Variants in ANO6 observed in about 807,000 individuals in gnomAD.
The protein encoded by ANO6 is anoctamin 6.
In ANO6, 106 loss-of-function variants were observed where a neutral mutation model predicts 117.5. The observed-to-expected ratio is 0.90, with a 90% CI of 0.77 to 1.06. The LOEUF (loss-of-function observed/expected upper bound fraction) is 1.06. ANO6 is among the 50% of genes least tolerant of loss of function. The pLI is 0.00. For synonymous variants in ANO6, 367 were observed against 385.1 expected (o/e 0.95, Z 0.55); for missense variants, 955 against 1,121.1 (o/e 0.85, Z 2.12).
intron 2 of ANO6, among the ~76,000 whole-genome samples, chr12:45,321,751 C>T (rs975511470): frequency 1.3e-5 from 2 of 152,076 alleles, no homozygotes; most frequent in African/African-American, 4.8e-5. Context: ...AAAAAAAAGG[C>T]AGTTTTAATG....
At chr12:45,286,368 ACATC>A (rs897083012) in intron 1 of ANO6, among the ~76,000 whole-genome samples, 77 of 152,160 alleles carry the variant, frequency 5.1e-4, no homozygotes, top group African/African-American at 1.6e-3. Context: ...AACTAATAAA[ACATC>A]CATCCAGAAG....
chr12:45,410,601 C>T (rs1943062456), intron 16 of ANO6, among the ~76,000 whole-genome samples: 1 of 152,064 alleles, frequency 6.6e-6, no homozygotes, highest in African/African-American at 2.4e-5. Flanking sequence ...TTTATCTGTG[C>T]CCTTTCAGCT....
chr12:45,400,983 G>C (rs1942771306), intron 12 of ANO6, among the ~76,000 whole-genome samples: 1 of 152,230 alleles, frequency 6.6e-6, no homozygotes, highest in African/African-American at 2.4e-5. Context: ...GTGCGTCGTT[G>C]AGTGGTGAGA....
chr12:45,257,278 C>T (rs1241596564), intron 1 of ANO6, among the ~76,000 whole-genome samples: 2 of 152,178 alleles, frequency 1.3e-5, no homozygotes, highest in African/African-American at 2.4e-5. Context: ...AGCTTCAGAG[C>T]CCCATCCAGG....
At chr12:45,282,641 ACTTTGAC>A (rs1321474682) in intron 1 of ANO6, among the ~76,000 whole-genome samples, 1 of 152,186 alleles carries the variant, frequency 6.6e-6, no homozygotes, top group African/African-American at 2.4e-5. Context: ...GTGCCAGCGT[ACTTTGAC>A]CTTATCAGTA....
intron 7 of ANO6, among the ~76,000 whole-genome samples, chr12:45,352,371 G>A (rs544671456): frequency 6.6e-6 from 1 of 151,678 alleles, no homozygotes; most frequent in Admixed American, 6.6e-5. Context: ...CAAATGTCAC[G>A]TCGTTTCATT....
chr12:45,378,044 A>G lies in ANO6; in HGVS notation c.1105-9A>G, dbSNP rs1466740121. On this transcript the variant is annotated splice_polypyrimidine_tract_variant and intron_variant, in intron 9 of 19. Coordinates refer to ENST00000320560, the MANE Select transcript of ANO6 (RefSeq NM_001025356.3). ...TATGACTCATTTATATGTCATTTAT[A>G]TTTTCCAGAAATTGTGCATCTTCGA... is the stretch of plus-strand genomic sequence containing the variant. The G allele has an allele frequency of 4.4e-6, 7 of 1,608,938 alleles. No individual in the cohort carries two copies. The highest frequency in any genetic ancestry group is 6.0e-6 in the Non-Finnish European group (7 of 1,176,030).
intron 1 of ANO6, among the ~76,000 whole-genome samples, chr12:45,263,033 T>C (rs976801413): frequency 1.3e-5 from 2 of 152,102 alleles, no homozygotes; most frequent in South Asian, 4.1e-4. Context: ...AGGTATAATT[T>C]GCATAATCAT....
chr12:45,332,286 CT>C (rs1249325965), intron 3 of ANO6, among the ~76,000 whole-genome samples: 1 of 131,514 alleles, frequency 7.6e-6, no homozygotes, highest in Non-Finnish European at 1.6e-5. Context: ...CTCTCCCTCT[CT>C]CTCTGTTCTC....
At chr12:45,370,177 C>G (rs1481052186) in intron 9 of ANO6, among the ~76,000 whole-genome samples, 1 of 152,248 alleles carries the variant, frequency 6.6e-6, no homozygotes, top group Non-Finnish European at 1.5e-5. Context: ...CAGTAAGCTC[C>G]TTGCTTCCTT....
chr12:45,311,734 A>G (rs1250569979), intron 2 of ANO6, among the ~76,000 whole-genome samples: 1 of 152,116 alleles, frequency 6.6e-6, no homozygotes, highest in African/African-American at 2.4e-5. Flanking sequence ...GATGAAATGG[A>G]TAACAATCTA....
chr12:45,254,090 C>T (rs773507519), intron 1 of ANO6, among the ~76,000 whole-genome samples: 14 of 152,164 alleles, frequency 9.2e-5, no homozygotes, highest in Non-Finnish European at 1.8e-4. Context: ...TCGCTTGAAC[C>T]CGGGAGGCGG....
At position 45,264,634 on chromosome 12, in the gene ANO6, ATGGT is replaced by A. The variant is rs762070819; in HGVS notation, c.71-37378_71-37375del. Among the ~76,000 whole-genome samples, 46 of 152,248 alleles carry A rather than the reference ATGGT, an allele frequency of 3.0e-4. 1 individual carries two copies. Among genetic ancestry groups the A allele is most frequent in the Admixed American group, 5.2e-4 (8 of 15,284 alleles). ...GACATCTGAAACATTAATTTTACCA[ATGGT>A]TAGTTGGTGAAACCTGACTGTGGAT... On this transcript the variant is annotated intron_variant, in intron 1 of 19. Transcript: ENST00000320560.
chr12:45,367,765 A>G lies in ANO6; in HGVS notation c.1076A>G (p.Lys359Arg). 6.2e-7 allele frequency: 1 copy of G among 1,613,726 alleles called. No homozygotes were observed. Among genetic ancestry groups the G allele is most frequent in the South Asian group, 1.1e-5 (1 of 91,076 alleles). ...PQCDRLCPFW[K>R]LNITCESSKK... ...TGTGATAGGCTTTGTCCATTCTGGA[A>G]ACTCAATATTACTTGCGAGTCCTCA... The change falls in exon 9 of 20, where the codon AAA becomes AGA. Residue 359 changes from lysine (K) to arginine (R), a missense_variant. Physicochemically the swap from Lys to Arg is conservative, Grantham distance 26. Coordinates refer to ENST00000320560, the MANE Select transcript of ANO6 (RefSeq NM_001025356.3).
intron 2 of ANO6, among the ~76,000 whole-genome samples, chr12:45,327,095 C>T (rs1215406596): frequency 6.6e-6 from 1 of 151,886 alleles, no homozygotes. Context: ...GTAAGAAGAC[C>T]CAAGACAATC....
At chr12:45,330,776 T>C (rs1015512344) in intron 2 of ANO6, among the ~76,000 whole-genome samples, 4 of 152,086 alleles carry the variant, frequency 2.6e-5, no homozygotes, top group African/African-American at 7.2e-5. Context: ...TGGGAGTATC[T>C]TTTGGCATTT....
rs545536009 is a variant in ANO6, at chr12:45,277,712, G to C, written c.71-24302G>C. Among the ~76,000 whole-genome samples, 13 of 152,166 alleles carry C rather than the reference G, an allele frequency of 8.5e-5. No individual in the cohort carries two copies. The East Asian group carries it at 2.1e-3, about 25-fold the overall frequency. Reference sequence around the variant, plus strand: ...AGCTTGACTAAGTATATAATTCAAAGGTGGAAATTATCTGCTCTCAGAATT... The same window carrying C: ...AGCTTGACTAAGTATATAATTCAAACGTGGAAATTATCTGCTCTCAGAATT... On this transcript the variant is annotated intron_variant, in intron 1 of 19. Transcript: ENST00000320560.
intron 18 of ANO6, among the ~76,000 whole-genome samples, chr12:45,421,678 TTG>T (rs1943369854): frequency 6.6e-6 from 1 of 152,228 alleles, no homozygotes; most frequent in South Asian, 2.1e-4. Context: ...GTTAATACTA[TTG>T]TGTTATTCAA....
At chr12:45,327,265 A>G (rs1940501986) in intron 2 of ANO6, among the ~76,000 whole-genome samples, 3 of 152,228 alleles carry the variant, frequency 2.0e-5, no homozygotes, top group African/African-American at 7.2e-5. Context: ...ACATATTTTG[A>G]CTATCATATT....
Sources: gnomAD v4.1 joint callset for allele counts (sites outside exome capture counted in the v4.1 genomes callset) on GRCh38, gnomAD v4.1.1 for gene constraint, MANE v1.5 for transcripts, NCBI Gene and HGNC (gene_info 2026-07-23, HGNC 2026-07-21) for gene names.